The following DYSF variants were observed in gnomAD, a reference collection of about 807,000 sequenced individuals.
The protein encoded by DYSF is dystrophy-associated fer-1-like 1.
DYSF carries 212 observed loss-of-function variants against 274.9 expected under a neutral mutation model. The ratio of observed to expected loss-of-function variants is 0.77; its 90% CI spans 0.69 to 0.86. The LOEUF (loss-of-function observed/expected upper bound fraction) is 0.86. DYSF is among the 40% of genes least tolerant of loss of function. DYSF has a pLI of 0.00. For missense variants in DYSF, 2,666 were observed against 2,783.2 expected, an observed-to-expected ratio of 0.96 and a Z score of 0.95; for synonymous variants, 1,091 against 1,078.7, an observed-to-expected ratio of 1.01 and a Z score of -0.22.
intron 36 of DYSF, among the ~76,000 whole-genome samples, chr2:71,605,731 G>C (rs936914305): frequency 2.6e-5 from 4 of 152,162 alleles, no homozygotes; most frequent in South Asian, 2.1e-4. Context: ...AGATGTACCC[G>C]GGGTACTCTC....
intron 3 of DYSF, among the ~76,000 whole-genome samples, chr2:71,487,139 C>T (rs895717813): frequency 6.6e-6 from 1 of 152,234 alleles, no homozygotes; most frequent in Non-Finnish European, 1.5e-5. Context: ...TCTAGACCAG[C>T]ACTGCCCACT....
At chr2:71,563,584 T>C (rs1029692892) in intron 23 of DYSF, among the ~76,000 whole-genome samples, 7 of 151,926 alleles carry the variant, frequency 4.6e-5, no homozygotes, top group Admixed American at 4.6e-4. Context: ...GGGAGGAGGG[T>C]GTGTGTCCTC....
At chr2:71,681,420 C>G (rs754661379) in intron 54 of DYSF, among the ~76,000 whole-genome samples, 2 of 152,168 alleles carry the variant, frequency 1.3e-5, no homozygotes, top group African/African-American at 4.8e-5. Flanking sequence ...GTTATTATCC[C>G]CATTTTACAG....
intron 40 of DYSF, among the ~76,000 whole-genome samples, chr2:71,614,528 G>A (rs1275557437): frequency 6.6e-6 from 1 of 152,174 alleles, no homozygotes; most frequent in Admixed American, 6.5e-5. Flanking sequence ...ACTTAACTTA[G>A]GCATGGTCGC....
chr2:71,601,337 A>G, intron 34 of DYSF, 162 bp from the exon 35 acceptor site: 1 of 902,706 alleles, frequency 1.1e-6, no homozygotes, highest in Non-Finnish European at 1.8e-6. Flanking sequence ...AAGTGTCTGG[A>G]GGAATGGGCA....
chr2:71,587,302 G>A (rs771650168), intron 30 of DYSF, among the ~76,000 whole-genome samples: 2 of 152,206 alleles, frequency 1.3e-5, no homozygotes, highest in African/African-American at 4.8e-5. Flanking sequence ...CTTTGGGTCC[G>A]TGAGAGAGAG....
intron 55 of DYSF, among the ~76,000 whole-genome samples, chr2:71,683,416 T>C (rs548256421): frequency 5.9e-5 from 9 of 152,284 alleles, no homozygotes; most frequent in African/African-American, 1.9e-4. Flanking sequence ...GGAACCCGGA[T>C]CACCAGGGAG....
At chr2:71,531,035 G>A (rs1225958592) in intron 14 of DYSF, among the ~76,000 whole-genome samples, 3 of 151,764 alleles carry the variant, frequency 2.0e-5, no homozygotes, top group Non-Finnish European at 4.4e-5. Flanking sequence ...AGAAAGAAAA[G>A]GTCCTGCCCT....
Position 71,604,950 on chromosome 2 carries a change from C to T in DYSF, c.3957+2145C>T, listed in dbSNP as rs62145896. Among the ~76,000 whole-genome samples, 113 of 152,086 alleles carry T rather than the reference C, an allele frequency of 7.4e-4. 1 individual carries two copies. Among genetic ancestry groups the T allele is most frequent in the Non-Finnish European group, 1.4e-3 (94 of 68,024 alleles). On this transcript the variant is annotated intron_variant, in intron 36 of 55. Coordinates refer to ENST00000410020, the MANE Select transcript of DYSF (RefSeq NM_001130987.2). The stretch of plus-strand genomic sequence containing the variant: ...CACCTCCTGGATGTGGCCTGTTGGA[C>T]AACAAACTTCCCCTCTCCCAGGCTT...
chr2:71,525,569 A>G (rs1331988376), intron 12 of DYSF, among the ~76,000 whole-genome samples: 1 of 152,124 alleles, frequency 6.6e-6, no homozygotes, highest in Non-Finnish European at 1.5e-5. Context: ...GACCCATTCA[A>G]GGGAGGGGTG....
chr2:71,644,721 AAAGAAGAT>A (rs2094541190), intron 42 of DYSF, among the ~76,000 whole-genome samples: 1 of 152,248 alleles, frequency 6.6e-6, no homozygotes, highest in Admixed American at 6.5e-5. Context: ...GACTACTTTT[AAAGAAGAT>A]AATCAGAGGT....
At chr2:71,532,284 G>A (rs553547313) in intron 14 of DYSF, among the ~76,000 whole-genome samples, 11 of 152,318 alleles carry the variant, frequency 7.2e-5, no homozygotes, top group African/African-American at 2.6e-4. Context: ...TTGCTTTTCT[G>A]TAGGGAAGTT....
At chr2:71,553,990 G>A in intron 21 of DYSF, 59 bp downstream of exon 21, 13 of 1,612,038 alleles carry the variant, frequency 8.1e-6, no homozygotes, top group Non-Finnish European at 1.1e-5. Context: ...TACCCCCGCT[G>A]CATGGGGTGT....
intron 12 of DYSF, among the ~76,000 whole-genome samples, chr2:71,524,703 T>C (rs2087663348): frequency 6.6e-6 from 1 of 152,230 alleles, no homozygotes; most frequent in Non-Finnish European, 1.5e-5. Flanking sequence ...TGTCTGTTCC[T>C]CCAGCTGCCG....
In DYSF at chr2:71,612,796, G is replaced by A. The variant is rs76576806; in HGVS notation, c.4377G>A (p.Gln1459=). 2,783 of 1,612,338 alleles carry A rather than the reference G, an allele frequency of 1.7e-3. 48 individuals are homozygous for A. The African/African-American group carries it at 0.034, about 20-fold the overall frequency. The change falls in exon 39 of 56, where the codon CAG becomes CAA. Residue 1459 remains glutamine (Q), a synonymous_variant. Coordinates refer to ENST00000410020, the MANE Select transcript of DYSF (RefSeq NM_001130987.2). ...DPYSAESPSP[Q]GGPDDVSLLS... is the part of the protein sequence containing the mutation. ...ACTCGGCGGAGAGTCCATCCCCACA[G>A]GGTGGCCCAGGTAGGGGAAGGGGAG...
At position 71,589,649 on chromosome 2, in the gene DYSF, C is replaced by A. The variant is rs778088008; in HGVS notation, c.3459C>A (p.Phe1153Leu). The part of the protein sequence containing the change: ...EDSMSVSTLS[F>L]GVNRPTISCI... ...CCATGTCCGTCTCCACCTTGAGCTT[C>A]GGTGTGAACAGACCCACGATTTCCT... Residue 1153 changes from phenylalanine to leucine, a missense_variant, in exon 31 of 56, where the codon TTC becomes TTA. Transcript: ENST00000410020. 6.2e-6 allele frequency: 10 copies of A among 1,614,004 alleles called. No individual in the cohort carries two copies. Among genetic ancestry groups the A allele is most frequent in the Admixed American group, 1.7e-5 (1 of 60,008 alleles).
intron 22 of DYSF, among the ~76,000 whole-genome samples, chr2:71,559,213 C>G (rs1024782303): frequency 6.6e-6 from 1 of 152,214 alleles, no homozygotes; most frequent in African/African-American, 2.4e-5. Context: ...GATGTCCCAC[C>G]AGCACCTCCG....
intron 41 of DYSF, 49 bp downstream of exon 41, chr2:71,620,658 C>A: frequency 4.9e-6 from 4 of 822,880 alleles, no homozygotes; most frequent in South Asian, 3.6e-5. Flanking sequence ...CCTTGTGGGG[C>A]TGGGGGTAGG....
At chr2:71,551,001 C>A in intron 17 of DYSF, 40 bp from the exon 18 acceptor site, 2 of 1,589,014 alleles carry the variant, frequency 1.3e-6, no homozygotes, top group Non-Finnish European at 1.7e-6. Context: ...TGGGAAGCCC[C>A]ACTGGGCCGA....
Sources: allele counts gnomAD v4.1 joint callset (sites outside exome capture counted in the v4.1 genomes callset), GRCh38; gene constraint gnomAD v4.1.1; transcripts MANE v1.5; gene names NCBI Gene and HGNC (gene_info 2026-07-23, HGNC 2026-07-21).